Variants in CYP46A1 observed in about 807,000 individuals in gnomAD.
CYP46A1 encodes the protein cholesterol 24-hydroxylase.
CYP46A1 carries 20 observed loss-of-function variants against 63.3 expected under a neutral mutation model. That is an observed-to-expected ratio of 0.32 (90% CI 0.22 to 0.46). The LOEUF (loss-of-function observed/expected upper bound fraction) is 0.46. Ranked by LOEUF, CYP46A1 falls within the 20% of genes least tolerant of loss-of-function variation. The pLI, the probability that CYP46A1 is intolerant of heterozygous loss-of-function variation, is 1.00. For missense variants in CYP46A1, 445 were observed against 670.8 expected (o/e 0.66, Z 3.72); for synonymous variants, 268 against 273.6 (o/e 0.98, Z 0.20).
At chr14:99,716,936 C>T (rs990986228) in intron 9 of CYP46A1, among the ~76,000 whole-genome samples, 5 of 152,190 alleles carry the variant, frequency 3.3e-5, no homozygotes, top group African/African-American at 1.2e-4. Context: ...GGTGGAAAGA[C>T]AGAGAGACAA....
At chr14:99,699,965 GCTCCCCACCCCCCACCCTCTTTCC>G in intron 4 of CYP46A1, 26 bp from the exon 5 acceptor site, 1 of 813,574 alleles carries the variant, frequency 1.2e-6, no homozygotes, top group East Asian at 2.9e-5. Context: ...TCAAGCAGTC[GCTCCCCACCCCCCACCCTCTTTCC>G]CGCATCACGT....
chr14:99,691,366 C>T, intron 2 of CYP46A1: 1 of 608,834 alleles, frequency 1.6e-6, no homozygotes, highest in South Asian at 2.1e-5. Context: ...GACCTTAGAC[C>T]AGCCGTCAGA....
chr14:99,694,047 T>C lies in CYP46A1; in HGVS notation c.282+2186T>C, dbSNP rs963930086. On this transcript the variant is annotated intron_variant, in intron 3 of 14. Coordinates refer to ENST00000261835, the MANE Select transcript of CYP46A1 (RefSeq NM_006668.2). Reference sequence around the variant, plus strand: ...CTTCTGTCTCCGTGAATTGGACTACTTTATGTGCGTCATACATGTGTAATC... The same window carrying C: ...CTTCTGTCTCCGTGAATTGGACTACCTTATGTGCGTCATACATGTGTAATC... Among the ~76,000 whole-genome samples the C allele has an allele frequency of 7.2e-5, 11 of 152,100 alleles. No homozygotes were observed. The South Asian group carries it at 1.0e-3, about 14-fold the overall frequency.
At chr14:99,713,715 C>G (rs1044456123) in intron 7 of CYP46A1, among the ~76,000 whole-genome samples, 1 of 151,618 alleles carries the variant, frequency 6.6e-6, no homozygotes, top group Non-Finnish European at 1.5e-5. Context: ...CCTGTCTCTA[C>G]TAAAAATTCA....
chr14:99,689,984 C>T (rs2056530050), intron 1 of CYP46A1, among the ~76,000 whole-genome samples: 1 of 152,204 alleles, frequency 6.6e-6, no homozygotes, highest in African/African-American at 2.4e-5. Context: ...CTTGGTGACC[C>T]ACCTTGTACT....
rs754510194 is a variant in CYP46A1 at position 99,715,780 on chromosome 14, TG to T, written c.694-28del. 4 of 1,613,850 alleles carry T rather than the reference TG, an allele frequency of 2.5e-6. No homozygotes were observed. In the African/African-American group the frequency reaches 5.3e-5, roughly 22 times the overall value. ...GGGAGAGGGAACATGCGTGTTCACT[TG>T]GCCATCTGGAGCTGAAACTCTTGTT... On this transcript the variant is annotated intron_variant, in intron 7 of 14. Coordinates refer to ENST00000261835, the MANE Select transcript of CYP46A1 (RefSeq NM_006668.2).
intron 3 of CYP46A1, among the ~76,000 whole-genome samples, chr14:99,696,746 A>T (rs2056590286): frequency 1.3e-5 from 2 of 152,230 alleles, no homozygotes; most frequent in Non-Finnish European, 2.9e-5. Flanking sequence ...GGTATAGGTC[A>T]TAATATCCTG....
intron 3 of CYP46A1, among the ~76,000 whole-genome samples, chr14:99,692,921 T>C (rs976451203): frequency 6.6e-6 from 1 of 152,138 alleles, no homozygotes; most frequent in Non-Finnish European, 1.5e-5. Flanking sequence ...AGAATGGGTA[T>C]CTGCTGTGGA....
rs368496205 is a variant in CYP46A1 at position 99,706,739 on chromosome 14, C to A, written c.536C>A (p.Ser179Tyr). ...AAGGCAGATGGGCAGACCCCAGTGT[C>A]CATGCAGGACATGCTGACCTACACC... ...EAKADGQTPV[S>Y]MQDMLTYTAM... Residue 179 changes from serine to tyrosine, a missense_variant, in exon 6 of 15, where the codon TCC becomes TAC. By Grantham distance (144) the Ser-to-Tyr change is moderately radical (BLOSUM62 -2). Around this residue, in one of 4 missense-constraint regions of CYP46A1, gnomAD observed 252 missense variants for 383.3 expected, o/e 0.66. Transcript: ENST00000261835. 3 of 1,613,584 alleles carry A rather than the reference C, an allele frequency of 1.9e-6. No homozygotes were observed. The highest frequency in any genetic ancestry group is 1.7e-6 in the Non-Finnish European group (2 of 1,179,980).
chr14:99,714,973 G>A (rs2056774842), intron 7 of CYP46A1, among the ~76,000 whole-genome samples: 1 of 152,168 alleles, frequency 6.6e-6, no homozygotes, highest in Admixed American at 6.5e-5. Flanking sequence ...GAGGTAAAGA[G>A]TATAATGATA....
At chr14:99,685,037 T>G (rs1253686328) in intron 1 of CYP46A1, among the ~76,000 whole-genome samples, 2 of 149,896 alleles carry the variant, frequency 1.3e-5, no homozygotes, top group Non-Finnish European at 3.0e-5. Flanking sequence ...TACTTACAAT[T>G]GCATTCTTGG....
chr14:99,719,378 A>ATTTTTTTTTTTTTTT (rs55679517), intron 10 of CYP46A1, among the ~76,000 whole-genome samples: 4 of 142,602 alleles, frequency 2.8e-5, no homozygotes, highest in South Asian at 4.5e-4. Context: ...CACCTGGCTA[A>ATTTTTTTTTTTTTTT]TTTTTTTTTT....
At chr14:99,699,439 C>A in intron 3 of CYP46A1, 27 bp from the exon 4 acceptor site, 1 of 1,610,020 alleles carries the variant, frequency 6.2e-7, no homozygotes, top group South Asian at 1.1e-5. Context: ...GTGCATGAGC[C>A]TATGTTGGTT....
intron 4 of CYP46A1, 51 bp from the exon 5 acceptor site, chr14:99,699,964 C>CGGGGGGGGGGG: frequency 3.9e-6 from 3 of 773,846 alleles, no homozygotes; most frequent in African/African-American, 1.8e-5. Flanking sequence ...ATCAAGCAGT[C>CGGGGGGGGGGG]GCTCCCCACC....
At chr14:99,692,535 A>G (rs1415145090) in intron 3 of CYP46A1, among the ~76,000 whole-genome samples, 1 of 149,716 alleles carries the variant, frequency 6.7e-6, no homozygotes, top group African/African-American at 2.5e-5. Flanking sequence ...GTGAAACTCC[A>G]TCTCAAAAAA....
At chr14:99,696,742 G>A (rs888000956) in intron 3 of CYP46A1, among the ~76,000 whole-genome samples, 10 of 152,166 alleles carry the variant, frequency 6.6e-5, no homozygotes, top group Non-Finnish European at 1.0e-4. Context: ...CCTGGGTATA[G>A]GTCATAATAT....
At position 99,722,446 on chromosome 14, in the gene CYP46A1, TTCTC is replaced by T. The variant is rs1465937861; in HGVS notation, c.1176+385_1176+388del. Among the ~76,000 whole-genome samples, 3 of 152,158 alleles carry T rather than the reference TTCTC, an allele frequency of 2.0e-5. No homozygotes were observed. Among genetic ancestry groups the T allele is most frequent in the African/African-American group, 4.8e-5 (2 of 41,436 alleles). On this transcript the variant is annotated intron_variant, in intron 12 of 14. Transcript: ENST00000261835. This position sits in a 1 kb window ranked among gnomAD's most constrained non-coding sequence, Gnocchi z 4.6. Reference sequence around the variant, plus strand: ...TTCTCTCCTCACGTTTTACAGCCCTTTCTCTCTCGGCTTTCTCCCCAGACCTCCT... The same window carrying T: ...TTCTCTCCTCACGTTTTACAGCCCTTTCTCGGCTTTCTCCCCAGACCTCCT...
At chr14:99,719,694 G>A (rs375689515) in intron 10 of CYP46A1, among the ~76,000 whole-genome samples, 4 of 151,208 alleles carry the variant, frequency 2.6e-5, no homozygotes, top group South Asian at 2.1e-4. Context: ...TGTTTCACTC[G>A]AATAATGTCC....
chr14:99,699,802 A>T (rs1485621059), intron 4 of CYP46A1, among the ~76,000 whole-genome samples: 5 of 152,134 alleles, frequency 3.3e-5, no homozygotes, highest in East Asian at 1.9e-4. Flanking sequence ...AGTTATTTTT[A>T]AAATTCCGGT....
Sources: gnomAD v4.1 joint callset for allele counts (sites outside exome capture counted in the v4.1 genomes callset) on GRCh38, gnomAD v4.1.1 for gene constraint, gnomAD v4.1.1 regional missense constraint, Gnocchi (gnomAD v3.1) non-coding constraint, MANE v1.5 for transcripts, NCBI Gene and HGNC (gene_info 2026-07-23, HGNC 2026-07-21) for gene names.